The following MAD1L1 variants were observed in gnomAD, a reference collection of about 807,000 sequenced individuals.
The protein encoded by MAD1L1 is mitotic spindle assembly checkpoint protein MAD1.
MAD1L1 carries 95 observed loss-of-function variants against 96.9 expected under a neutral mutation model. The observed-to-expected ratio is 0.98, with a 90% CI of 0.83 to 1.16. MAD1L1 has a LOEUF of 1.16. MAD1L1 is among the 50% of genes most tolerant of loss of function. The probability of loss-of-function intolerance (pLI) is 0.00; values close to 1 mark genes in which losing one functional copy is unlikely to be tolerated. For missense variants in MAD1L1, 1,007 were observed against 954.4 expected (o/e 1.06, Z -0.73); for synonymous variants, 473 against 396.6 (o/e 1.19, Z -2.29).
At chr7:1,866,595 G>A (rs62435157) in intron 18 of MAD1L1, among the ~76,000 whole-genome samples, 6,873 of 152,312 alleles carry the variant, frequency 0.045, 251 homozygotes, top group Non-Finnish European at 0.059. Flanking sequence ...CTGCTGGTGT[G>A]AGACGCCACG....
intron 10 of MAD1L1, among the ~76,000 whole-genome samples, chr7:2,170,742 G>A (rs1790668395): frequency 6.6e-6 from 1 of 152,206 alleles, no homozygotes; most frequent in African/African-American, 2.4e-5. Context: ...GTGGGGATGG[G>A]CTGGAACTAG....
rs1227227459 is a variant in MAD1L1, at chr7:2,114,512, G to A, written c.1073+34640C>T. ...CCTGGCTGCCGGGATCAATCTTGCG[G>A]GTCACCTCCCTGCAGCAAGGCCCAA... On this transcript the variant is annotated intron_variant, in intron 11 of 18. Transcript: ENST00000265854. This position sits in a 1 kb window ranked among gnomAD's most constrained non-coding sequence, Gnocchi z 4.2. Among the ~76,000 whole-genome samples, 2 of 152,228 alleles carry A rather than the reference G, an allele frequency of 1.3e-5. No individual in the cohort carries two copies. Among genetic ancestry groups the A allele is most frequent in the Non-Finnish European group, 2.9e-5 (2 of 68,042 alleles).
intron 18 of MAD1L1, among the ~76,000 whole-genome samples, chr7:1,867,546 G>C (rs1018562321): frequency 1.3e-5 from 2 of 152,266 alleles, no homozygotes; most frequent in African/African-American, 4.8e-5. Context: ...GCAGTGAGTA[G>C]GAGCGAGGTG....
intron 12 of MAD1L1, among the ~76,000 whole-genome samples, chr7:2,034,386 T>A (rs1191261674): frequency 6.6e-6 from 1 of 152,024 alleles, no homozygotes; most frequent in African/African-American, 2.4e-5. Context: ...CCAGCTAATT[T>A]TTTGTATTTT....
chr7:2,100,637 A>C (rs1786732173), intron 11 of MAD1L1, among the ~76,000 whole-genome samples: 2 of 152,260 alleles, frequency 1.3e-5, no homozygotes, highest in African/African-American at 4.8e-5. Context: ...GCGTCCTTGG[A>C]AACGGCCGCA....
At chr7:1,973,825 A>T (rs1780511321) in intron 15 of MAD1L1, among the ~76,000 whole-genome samples, 2 of 152,152 alleles carry the variant, frequency 1.3e-5, no homozygotes, top group Non-Finnish European at 2.9e-5. Flanking sequence ...ACACTACTGG[A>T]CCAGAGAGCC....
chr7:2,042,877 ACACATGTC>A (rs1034277462), intron 12 of MAD1L1, among the ~76,000 whole-genome samples: 1 of 126,386 alleles, frequency 7.9e-6, no homozygotes, highest in Non-Finnish European at 1.7e-5. Flanking sequence ...CTTCACGCAC[ACACATGTC>A]CACGTCCACG....
At chr7:1,965,423 C>T (rs1349032384) in intron 15 of MAD1L1, among the ~76,000 whole-genome samples, 2 of 152,218 alleles carry the variant, frequency 1.3e-5, no homozygotes, top group East Asian at 1.9e-4. Flanking sequence ...GAAGGCCCAC[C>T]GCACTGGTGG....
chr7:2,102,777 C>T (rs559907677), intron 11 of MAD1L1, among the ~76,000 whole-genome samples: 15 of 152,130 alleles, frequency 9.9e-5, no homozygotes, highest in Admixed American at 7.8e-4. Flanking sequence ...CCGCCACCCT[C>T]GCACCATCAT....
At chr7:1,833,294 C>T (rs1782796697) in intron 18 of MAD1L1, among the ~76,000 whole-genome samples, 1 of 152,166 alleles carries the variant, frequency 6.6e-6, no homozygotes, top group Non-Finnish European at 1.5e-5. Flanking sequence ...ACTGACAGTG[C>T]AACTCTGTAT....
At chr7:1,899,614 G>A (rs758781074) in intron 17 of MAD1L1, among the ~76,000 whole-genome samples, 1 of 151,968 alleles carries the variant, frequency 6.6e-6, no homozygotes, top group South Asian at 2.1e-4. Flanking sequence ...GGCAGCGCCC[G>A]GGGGGAGGCT....
At chr7:1,819,545 C>T (rs1161784572) in intron 18 of MAD1L1, among the ~76,000 whole-genome samples, 4 of 152,214 alleles carry the variant, frequency 2.6e-5, no homozygotes, top group Admixed American at 6.5e-5. Flanking sequence ...CCGTGGAACA[C>T]GTGGGCCAGG....
intron 15 of MAD1L1, among the ~76,000 whole-genome samples, chr7:1,971,311 A>G (rs1013441027): frequency 2.0e-5 from 3 of 152,214 alleles, no homozygotes; most frequent in African/African-American, 7.2e-5. Context: ...CCAGGCTCCT[A>G]CAGGCTACAG....
intron 15 of MAD1L1, among the ~76,000 whole-genome samples, chr7:1,964,457 T>G (rs1038238986): frequency 1.3e-4 from 20 of 152,200 alleles, no homozygotes; most frequent in Non-Finnish European, 2.9e-4. Context: ...GTGCGCTTTC[T>G]TCTGCTGCCC....
intron 16 of MAD1L1, among the ~76,000 whole-genome samples, chr7:1,941,035 C>A (rs981362649): frequency 9.6e-5 from 3 of 31,162 alleles, no homozygotes; most frequent in Non-Finnish European, 2.4e-4. Flanking sequence ...ACACCGCGGA[C>A]CTCCTGAAGG....
intron 18 of MAD1L1, among the ~76,000 whole-genome samples, chr7:1,894,013 C>CT (rs1786714212): frequency 6.6e-6 from 1 of 152,202 alleles, no homozygotes; most frequent in Non-Finnish European, 1.5e-5. Flanking sequence ...TTCTGTCTGT[C>CT]TGGCAGAGCC....
chr7:2,153,771 A>C (rs546472708), intron 10 of MAD1L1, among the ~76,000 whole-genome samples: 16 of 152,264 alleles, frequency 1.1e-4, no homozygotes, highest in Non-Finnish European at 2.4e-4. Flanking sequence ...CAAAGATGGC[A>C]AAGATACGGA....
chr7:1,887,865 G>GTGTGTGTGGCTGCCTGGGCGTC (rs1786209694), intron 18 of MAD1L1, among the ~76,000 whole-genome samples: 1 of 147,356 alleles, frequency 6.8e-6, no homozygotes, highest in African/African-American at 2.5e-5. Flanking sequence ...GTGTGCACGT[G>GTGTGTGTGGCTGCCTGGGCGTC]TGTGTGCAAG....
chr7:1,840,644 G>A (rs1188630705), intron 18 of MAD1L1, among the ~76,000 whole-genome samples: 1 of 152,212 alleles, frequency 6.6e-6, no homozygotes, highest in Non-Finnish European at 1.5e-5. Flanking sequence ...CAGGAGAATC[G>A]CTTGAGCCCG....
Sources: gnomAD v4.1 joint callset for allele counts (sites outside exome capture counted in the v4.1 genomes callset) on GRCh38, gnomAD v4.1.1 for gene constraint, Gnocchi (gnomAD v3.1) non-coding constraint, MANE v1.5 for transcripts, NCBI Gene and HGNC (gene_info 2026-07-23, HGNC 2026-07-21) for gene names.